Variants in SLC22A3 observed in about 807,000 individuals in gnomAD.
SLC22A3 encodes the protein EMT organic cation transporter 3.
A neutral mutation model predicts 59.1 loss-of-function variants in SLC22A3; 51 were observed. The ratio of observed to expected loss-of-function variants is 0.86; its 90% CI spans 0.69 to 1.09. The LOEUF is 1.09. Ranked by LOEUF, SLC22A3 falls within the 50% of genes least tolerant of loss-of-function variation. SLC22A3 has a pLI of 0.00. For synonymous variants in SLC22A3, 325 were observed against 292.0 expected (o/e 1.11, Z -1.15); for missense variants, 711 against 726.3 (o/e 0.98, Z 0.24).
chr6:160,400,884 A>G lies in SLC22A3; in HGVS notation c.533+2802A>G, dbSNP rs150682111. 1.6e-3 allele frequency among the ~76,000 whole-genome samples: 247 copies of G among 152,034 alleles called. 2 individuals carry two copies. In the Middle Eastern group the frequency reaches 0.02, roughly 13 times the overall value. ...TGCTAGAGATCAAAAACACTGTAAC[A>G]GAAATGAAAAACGTTGTTACTGGGC... On this transcript the variant is annotated intron_variant, in intron 2 of 10. Coordinates refer to ENST00000275300, the MANE Select transcript of SLC22A3 (RefSeq NM_021977.4).
At chr6:160,434,905 G>A (rs980934087) in intron 5 of SLC22A3, among the ~76,000 whole-genome samples, 2 of 152,184 alleles carry the variant, frequency 1.3e-5, no homozygotes, top group African/African-American at 4.8e-5. Context: ...CGCACACAGA[G>A]GTGAGCAGCC....
chr6:160,356,223 A>G lies in SLC22A3; in HGVS notation c.429+7375A>G, dbSNP rs538604335. Among the ~76,000 whole-genome samples, 30 of 152,120 alleles carry G rather than the reference A, an allele frequency of 2.0e-4. 1 individual carries two copies. The South Asian group carries it at 5.6e-3, about 28-fold the overall frequency. On this transcript the variant is annotated intron_variant, in intron 1 of 10. Coordinates refer to ENST00000275300, the MANE Select transcript of SLC22A3 (RefSeq NM_021977.4). ...CTTCATCATCTTCTGCCTTGCATCC[A>G]TGAGGTGTGATCAGTCACAGGGTGA...
Position 160,442,769 on chromosome 6 carries a change from T to C in SLC22A3, c.1297T>C (p.Trp433Arg), listed in dbSNP as rs377528900. ...VTAFLPEGIA[W>R]LRTTVATLGR... ...ACTTTCTGTGTTTGCAGGAATAGCA[T>C]GGTTGAGGACCACAGTGGCTACATT... is the stretch of plus-strand genomic sequence containing the variant. The change falls in exon 8 of 11, where the codon TGG becomes CGG. Residue 433 changes from tryptophan (W) to arginine (R), a missense_variant. By Grantham distance (101) the Trp-to-Arg change is moderately radical. Transcript: ENST00000275300. 2 of 1,612,978 alleles carry C rather than the reference T, an allele frequency of 1.2e-6. No homozygotes were observed. Among genetic ancestry groups the C allele is most frequent in the African/African-American group, 1.3e-5 (1 of 75,054 alleles).
chr6:160,412,422 A>G (rs1388186471), intron 5 of SLC22A3, among the ~76,000 whole-genome samples: 1 of 152,122 alleles, frequency 6.6e-6, no homozygotes, highest in African/African-American at 2.4e-5. Flanking sequence ...AAGCTTGGTC[A>G]TGTATATTTG....
At position 160,450,660 on chromosome 6, in the gene SLC22A3, T is replaced by G. The variant is rs1788919330; in HGVS notation, c.1611-336T>G. ...AAAATGAAATATTCACAATTTATGTTCAGAGATTGAAGTAAAGACAGGCAT... is the reference window on the plus strand; with the variant it reads ...AAAATGAAATATTCACAATTTATGTGCAGAGATTGAAGTAAAGACAGGCAT... On this transcript the variant is annotated intron_variant, in intron 10 of 10. Transcript: ENST00000275300. Among the ~76,000 whole-genome samples, 3 of 152,300 alleles carry G rather than the reference T, an allele frequency of 2.0e-5. No individual in the cohort carries two copies. In the South Asian group the frequency reaches 6.2e-4, roughly 32 times the overall value.
chr6:160,436,226 T>C (rs972568392), intron 5 of SLC22A3, among the ~76,000 whole-genome samples: 4 of 152,168 alleles, frequency 2.6e-5, no homozygotes, highest in African/African-American at 4.8e-5. Flanking sequence ...GTGTTTTGTA[T>C]GTAGTTGGCC....
intron 5 of SLC22A3, among the ~76,000 whole-genome samples, chr6:160,420,768 A>C (rs1218772218): frequency 6.6e-6 from 1 of 152,162 alleles, no homozygotes; most frequent in Non-Finnish European, 1.5e-5. Flanking sequence ...AAGATTCCAA[A>C]GGTCTACACT....
chr6:160,381,298 A>C (rs1258475330), intron 1 of SLC22A3, among the ~76,000 whole-genome samples: 1 of 152,232 alleles, frequency 6.6e-6, no homozygotes, highest in Non-Finnish European at 1.5e-5. Flanking sequence ...CACTTTTCAA[A>C]AGCATATCAG....
intron 3 of SLC22A3, 120 bp from the exon 4 acceptor site, chr6:160,408,633 G>T: frequency 1.1e-6 from 1 of 888,266 alleles, no homozygotes; most frequent in Non-Finnish European, 1.8e-6. Context: ...CTCCGTATCT[G>T]AGTGCTAGCG....
chr6:160,356,057 G>T (rs773191873), intron 1 of SLC22A3, among the ~76,000 whole-genome samples: 38 of 152,224 alleles, frequency 2.5e-4, no homozygotes, highest in Non-Finnish European at 4.7e-4. Flanking sequence ...AAGAGAAAGG[G>T]ATTCCTTGGC....
chr6:160,408,967 AAT>A (rs767638061), intron 4 of SLC22A3, 46 bp downstream of exon 4: 1 of 1,547,076 alleles, frequency 6.5e-7, no homozygotes, highest in Non-Finnish European at 8.9e-7. Context: ...ATTCTGCAGA[AAT>A]TAGACTCCAA....
At chr6:160,350,988 G>T (rs1784640551) in intron 1 of SLC22A3, among the ~76,000 whole-genome samples, 1 of 152,180 alleles carries the variant, frequency 6.6e-6, no homozygotes, top group South Asian at 2.1e-4. Flanking sequence ...TCACCACCTG[G>T]TTACTGTTTG....
chr6:160,373,247 T>C (rs113811307), intron 1 of SLC22A3, among the ~76,000 whole-genome samples: 1,963 of 152,304 alleles, frequency 0.013, 53 homozygotes, highest in African/African-American at 0.044. Context: ...TAGTTTTCCT[T>C]CTAACAGTCA....
intron 1 of SLC22A3, among the ~76,000 whole-genome samples, chr6:160,385,084 G>A (rs1234009713): frequency 6.6e-6 from 1 of 152,154 alleles, no homozygotes; most frequent in African/African-American, 2.4e-5. Context: ...CCTTTTTGCA[G>A]GATGCTCCTT....
At chr6:160,407,516 AG>A (rs1562488395) in intron 3 of SLC22A3, among the ~76,000 whole-genome samples, 1 of 152,180 alleles carries the variant, frequency 6.6e-6, no homozygotes, top group Admixed American at 6.5e-5. Context: ...AAATCTCAGT[AG>A]CTTCTTGAGG....
chr6:160,421,440 T>C (rs1409722372), intron 5 of SLC22A3, among the ~76,000 whole-genome samples: 2 of 152,176 alleles, frequency 1.3e-5, no homozygotes, highest in East Asian at 3.9e-4. Context: ...CCGTGATTAG[T>C]TATGAATCTA....
intron 1 of SLC22A3, among the ~76,000 whole-genome samples, chr6:160,368,598 T>G (rs1308913816): frequency 6.6e-6 from 1 of 152,176 alleles, no homozygotes; most frequent in Non-Finnish European, 1.5e-5. Context: ...CATCTCTACA[T>G]TCTCACCTTC....
intron 1 of SLC22A3, among the ~76,000 whole-genome samples, chr6:160,351,442 C>T (rs1242162377): frequency 2.6e-5 from 4 of 152,168 alleles, no homozygotes; most frequent in African/African-American, 9.7e-5. Flanking sequence ...TAGTTTTGTG[C>T]TTCTTTTGGT....
intron 1 of SLC22A3, among the ~76,000 whole-genome samples, chr6:160,358,566 A>T (rs965972397): frequency 6.6e-6 from 1 of 152,246 alleles, no homozygotes; most frequent in Non-Finnish European, 1.5e-5. Flanking sequence ...CCCAGGGTAG[A>T]GGTCGGAGCT....
Sources: gnomAD v4.1 joint callset for allele counts (sites outside exome capture counted in the v4.1 genomes callset) on GRCh38, gnomAD v4.1.1 for gene constraint, MANE v1.5 for transcripts, NCBI Gene and HGNC (gene_info 2026-07-23, HGNC 2026-07-21) for gene names.